The following KLHL1 variants were observed in gnomAD, a reference collection of about 807,000 sequenced individuals.
The protein encoded by KLHL1 is kelch-like protein 1.
A neutral mutation model predicts 77.7 loss-of-function variants in KLHL1; 47 were observed. That is an observed-to-expected ratio of 0.60 (90% CI 0.48 to 0.77). The LOEUF (loss-of-function observed/expected upper bound fraction) is 0.77. Ranked by LOEUF, KLHL1 falls within the 30% of genes least tolerant of loss-of-function variation. The probability of loss-of-function intolerance (pLI) is 0.00; values close to 1 mark genes in which losing one functional copy is unlikely to be tolerated. For missense variants in KLHL1, 925 were observed against 910.8 expected (o/e 1.02, Z -0.20); for synonymous variants, 360 against 325.2 (o/e 1.11, Z -1.15).
At chr13:69,952,969 A>G (rs1282562864) in intron 3 of KLHL1, among the ~76,000 whole-genome samples, 2 of 151,382 alleles carry the variant, frequency 1.3e-5, no homozygotes, top group Non-Finnish European at 3.0e-5. Context: ...AAGTAAAATA[A>G]TGTTTTCAAA....
chr13:70,056,850 A>G (rs534034712), intron 1 of KLHL1, among the ~76,000 whole-genome samples: 36 of 152,290 alleles, frequency 2.4e-4, no homozygotes, highest in African/African-American at 4.1e-4. Flanking sequence ...TTATTTTAAT[A>G]AACAACTGCA....
chr13:69,855,446 A>ATATG (rs1288517761), intron 5 of KLHL1, among the ~76,000 whole-genome samples: 1 of 152,000 alleles, frequency 6.6e-6, no homozygotes, highest in African/African-American at 2.4e-5. Flanking sequence ...ATATGATATG[A>ATATG]TATGGTTTGG....
rs199637580 is a variant in KLHL1 at position 69,840,684 on chromosome 13, T to TTATATA, written c.1228-1528_1228-1523dup. On this transcript the variant is annotated intron_variant, in intron 5 of 10. Transcript: ENST00000377844. ...CGCACTTTTATTTTGAACATTAACT[T>TTATATA]TATATATATATATATATGTATGTAT... Among the ~76,000 whole-genome samples the TTATATA allele has an allele frequency of 1.9e-3, 270 of 145,104 alleles. 2 individuals are homozygous for TTATATA. The highest frequency in any genetic ancestry group is 6.7e-3 in the African/African-American group (254 of 38,110).
intron 6 of KLHL1, among the ~76,000 whole-genome samples, chr13:69,813,841 T>C (rs1878006213): frequency 6.6e-6 from 1 of 152,184 alleles, no homozygotes; most frequent in African/African-American, 2.4e-5. Context: ...TCTACAGATT[T>C]AACTCTATTC....
chr13:70,061,103 G>A (rs1886870450), intron 1 of KLHL1, among the ~76,000 whole-genome samples: 2 of 152,024 alleles, frequency 1.3e-5, no homozygotes, highest in Admixed American at 6.6e-5. Flanking sequence ...AGGGAGAAGT[G>A]AGGATGGTTA....
At chr13:69,780,743 T>TATATATATATAC (rs1187433193) in intron 7 of KLHL1, among the ~76,000 whole-genome samples, 1 of 60,958 alleles carries the variant, frequency 1.6e-5, no homozygotes, top group Non-Finnish European at 3.5e-5. Context: ...CATATATATA[T>TATATATATATAC]ACATATATAT....
intron 3 of KLHL1, among the ~76,000 whole-genome samples, chr13:69,956,026 T>TTATATATATTTATATATATTTGA (rs1883866126): frequency 1.0e-5 from 1 of 97,800 alleles, no homozygotes; most frequent in Non-Finnish European, 2.1e-5. Flanking sequence ...TGATATATAT[T>TTATATATATTTATATATATTTGA]TATATATATT....
intron 5 of KLHL1, among the ~76,000 whole-genome samples, chr13:69,844,097 AAAAAT>A (rs1404018543): frequency 6.6e-6 from 1 of 151,568 alleles, no homozygotes; most frequent in African/African-American, 2.4e-5. Context: ...TAAATTCTAT[AAAAAT>A]AAAGTATTGA....
chr13:69,791,562 T>C (rs1876875099), intron 7 of KLHL1, among the ~76,000 whole-genome samples: 1 of 151,914 alleles, frequency 6.6e-6, no homozygotes. Context: ...AACAAGAAAA[T>C]GTGGGAATGG....
Position 70,016,777 on chromosome 13 carries a change from AG to A in KLHL1, c.498-40976del, listed in dbSNP as rs570802154. On this transcript the variant is annotated intron_variant, in intron 1 of 10. Coordinates refer to ENST00000377844, the MANE Select transcript of KLHL1 (RefSeq NM_020866.3). ...CCCAGGTGAAGCTCACCTTCAAGCC[AG>A]GGGGCCAGATTTTTAGTTCTGGGTA... is the stretch of plus-strand genomic sequence containing the variant. 3.3e-3 allele frequency among the ~76,000 whole-genome samples: 510 copies of A among 152,240 alleles called. 7 individuals carry two copies. The highest frequency in any genetic ancestry group is 0.016 in the Admixed American group (251 of 15,292).
intron 7 of KLHL1, among the ~76,000 whole-genome samples, chr13:69,792,898 T>G (rs1447841008): frequency 1.3e-5 from 2 of 152,102 alleles, no homozygotes; most frequent in Non-Finnish European, 2.9e-5. Flanking sequence ...AGACTGACAA[T>G]GTATTGGGTA....
intron 4 of KLHL1, chr13:69,895,044 T>C: frequency 2.0e-6 from 1 of 502,212 alleles, no homozygotes; most frequent in South Asian, 1.5e-5. Flanking sequence ...AGGTTCCTAC[T>C]GATGTCAGAG....
intron 7 of KLHL1, among the ~76,000 whole-genome samples, chr13:69,763,434 C>G (rs1040114571): frequency 5.3e-5 from 8 of 152,182 alleles, no homozygotes; most frequent in Non-Finnish European, 1.2e-4. Flanking sequence ...CTGATGGTCA[C>G]AATAGTAGTG....
intron 1 of KLHL1, among the ~76,000 whole-genome samples, chr13:70,066,459 G>A (rs1887007287): frequency 6.6e-6 from 1 of 152,278 alleles, no homozygotes; most frequent in African/African-American, 2.4e-5. Flanking sequence ...TTTGATGCGT[G>A]ATTTATATAC....
chr13:69,744,873 ATTG>A (rs1874140091), intron 7 of KLHL1, among the ~76,000 whole-genome samples: 2 of 151,960 alleles, frequency 1.3e-5, no homozygotes, highest in Non-Finnish European at 1.5e-5. Flanking sequence ...GCTCCATTCT[ATTG>A]TTGATGAAAA....
At chr13:69,943,827 G>T (rs1372256383) in intron 3 of KLHL1, among the ~76,000 whole-genome samples, 1 of 152,136 alleles carries the variant, frequency 6.6e-6, no homozygotes, top group Non-Finnish European at 1.5e-5. Context: ...GTTCAGTAAA[G>T]TTGTCAAGAA....
chr13:70,046,277 G>T (rs1886493465), intron 1 of KLHL1, among the ~76,000 whole-genome samples: 1 of 152,152 alleles, frequency 6.6e-6, no homozygotes, highest in South Asian at 2.1e-4. Context: ...GACTGCAGTG[G>T]CCAATTTTGG....
chr13:69,758,745 G>C (rs949104504), intron 7 of KLHL1, among the ~76,000 whole-genome samples: 1 of 151,666 alleles, frequency 6.6e-6, no homozygotes, highest in Non-Finnish European at 1.5e-5. Flanking sequence ...CAATTTTTTT[G>C]TTTACTGACA....
At chr13:69,874,358 T>G (rs1268445368) in intron 5 of KLHL1, among the ~76,000 whole-genome samples, 1 of 152,128 alleles carries the variant, frequency 6.6e-6, no homozygotes, top group Non-Finnish European at 1.5e-5. Context: ...TATGTCTATA[T>G]GCTATCAATC....
Sources: allele counts gnomAD v4.1 joint callset (sites outside exome capture counted in the v4.1 genomes callset), GRCh38; gene constraint gnomAD v4.1.1; transcripts MANE v1.5; gene names NCBI Gene and HGNC (gene_info 2026-07-23, HGNC 2026-07-21).